The following KLHDC1 variants were observed in gnomAD, a reference collection of about 807,000 sequenced individuals.
KLHDC1 encodes the protein kelch domain-containing protein 1.
In KLHDC1, 53 loss-of-function variants were observed where a neutral mutation model predicts 68.3. That is an observed-to-expected ratio of 0.78 (90% confidence interval 0.62 to 0.98). The LOEUF is 0.98. Among genes scored for constraint, KLHDC1 ranks in the 50% least tolerant of loss-of-function variants. The pLI, the probability that KLHDC1 is intolerant of heterozygous loss-of-function variation, is 0.00. For synonymous variants in KLHDC1, 148 were observed against 159.0 expected, an observed-to-expected ratio of 0.93 and a Z score of 0.52; for missense variants, 470 against 492.3, an observed-to-expected ratio of 0.95 and a Z score of 0.43.
At chr14:49,729,928 A>T (rs1191348675) in intron 8 of KLHDC1, among the ~76,000 whole-genome samples, 1 of 152,232 alleles carries the variant, frequency 6.6e-6, no homozygotes, top group Non-Finnish European at 1.5e-5. Context: ...TTAGCTATCA[A>T]CTTAGCAATT....
intron 4 of KLHDC1, 59 bp downstream of exon 4, chr14:49,710,440 G>A (rs546897990): frequency 2.1e-5 from 19 of 891,216 alleles, no homozygotes. Context: ...AATAGCTTTG[G>A]CTAAAATACA....
At chr14:49,708,924 C>A (rs1888128388) in intron 1 of KLHDC1, 1 of 259,648 alleles carries the variant, frequency 3.9e-6, no homozygotes, top group East Asian at 7.3e-5. Context: ...TAATTATTTT[C>A]TTGAGACTTA....
At chr14:49,740,673 T>G (rs1165230340) in intron 11 of KLHDC1, among the ~76,000 whole-genome samples, 1 of 152,176 alleles carries the variant, frequency 6.6e-6, no homozygotes, top group African/African-American at 2.4e-5. Context: ...TTTCTGGATA[T>G]TTTGGATTTA....
chr14:49,709,939 T>C (rs1314089557), intron 3 of KLHDC1, 113 bp downstream of exon 3: 1 of 577,800 alleles, frequency 1.7e-6, no homozygotes, highest in Non-Finnish European at 2.9e-6. Context: ...ACCTTAAACT[T>C]GTAATTAAAT....
At chr14:49,749,212 A>G (rs1233885247) in intron 12 of KLHDC1, among the ~76,000 whole-genome samples, 1 of 152,090 alleles carries the variant, frequency 6.6e-6, no homozygotes, top group Non-Finnish European at 1.5e-5. Context: ...CTAAGAGGTC[A>G]TTGGAAACCT....
chr14:49,695,816 G>C (rs979040889), intron 1 of KLHDC1, among the ~76,000 whole-genome samples: 6 of 152,150 alleles, frequency 3.9e-5, no homozygotes, highest in Non-Finnish European at 2.9e-5. Context: ...TGTAATCCCA[G>C]GACTTTGGGA....
At chr14:49,725,448 A>G (rs1351634389) in intron 5 of KLHDC1, among the ~76,000 whole-genome samples, 1 of 152,308 alleles carries the variant, frequency 6.6e-6, no homozygotes, top group African/African-American at 2.4e-5. Flanking sequence ...TCAACAAGTA[A>G]AATTATGATT....
chr14:49,693,636 C>T lies in KLHDC1; in HGVS notation c.96+346C>T, dbSNP rs977763186. ...ATACTGGCGCAGACCTAGAAGGACCCGAGGACGCCGTGCTGTATCATTTTG... is the reference window on the plus strand; with the variant it reads ...ATACTGGCGCAGACCTAGAAGGACCTGAGGACGCCGTGCTGTATCATTTTG... On this transcript the variant is annotated intron_variant, in intron 1 of 12. Coordinates refer to ENST00000359332, the MANE Select transcript of KLHDC1 (RefSeq NM_172193.3). Among the ~76,000 whole-genome samples, 12 of 151,938 alleles carry T rather than the reference C, an allele frequency of 7.9e-5. No homozygotes were observed. The East Asian group carries it at 1.2e-3, about 15-fold the overall frequency.
intron 4 of KLHDC1, among the ~76,000 whole-genome samples, chr14:49,713,817 TATATATATATATATATATATATATATATA>T (rs1594659233): frequency 3.6e-4 from 1 of 2,764 alleles, no homozygotes; most frequent in African/African-American, 5.5e-4. Flanking sequence ...TATATATATA[TATATATATATATATATATATATATATATA>T]TATATTTTTT....
In KLHDC1 at chr14:49,723,959, T is replaced by G. The variant is rs544662004; in HGVS notation, c.483+7T>G. On this transcript the variant is annotated splice_region_variant and intron_variant, in intron 5 of 12. Coordinates refer to ENST00000359332, the MANE Select transcript of KLHDC1 (RefSeq NM_172193.3). ...TGTTCATGATGCATCTTGGGTAAGATAGTAATCACTGTTTACATTTTCCTC... is the reference window on the plus strand; with the variant it reads ...TGTTCATGATGCATCTTGGGTAAGAGAGTAATCACTGTTTACATTTTCCTC... The G allele has an allele frequency of 6.5e-7, 1 of 1,538,364 alleles. No homozygotes were observed. The highest frequency in any genetic ancestry group is 2.3e-5 in the East Asian group (1 of 44,290).
intron 9 of KLHDC1, among the ~76,000 whole-genome samples, chr14:49,733,255 A>T (rs1194312659): frequency 6.6e-6 from 1 of 152,068 alleles, no homozygotes; most frequent in Non-Finnish European, 1.5e-5. Context: ...GCTGTAGAGG[A>T]AAGTGTTTAG....
intron 5 of KLHDC1, 120 bp from the exon 6 acceptor site, chr14:49,725,566 T>G: frequency 1.6e-6 from 1 of 630,342 alleles, no homozygotes; most frequent in Non-Finnish European, 2.7e-6. Flanking sequence ...GTGACTATGG[T>G]AACACTTAAC....
chr14:49,742,702 G>A (rs894534856), intron 11 of KLHDC1, among the ~76,000 whole-genome samples: 5 of 150,734 alleles, frequency 3.3e-5, no homozygotes, highest in South Asian at 2.1e-4. Flanking sequence ...GAGAATTCCC[G>A]GGGAATCTTG....
At chr14:49,749,571 GGGA>G (rs1423679004) in intron 12 of KLHDC1, among the ~76,000 whole-genome samples, 2 of 151,558 alleles carry the variant, frequency 1.3e-5, no homozygotes, top group Non-Finnish European at 2.9e-5. Context: ...CCAGCTACTC[GGGA>G]GGATGAGGAG....
At chr14:49,700,984 G>A (rs558382964) in intron 1 of KLHDC1, among the ~76,000 whole-genome samples, 2 of 152,100 alleles carry the variant, frequency 1.3e-5, no homozygotes, top group African/African-American at 4.8e-5. Flanking sequence ...TCAGGAGGCC[G>A]AGGCAGGAGA....
intron 1 of KLHDC1, among the ~76,000 whole-genome samples, chr14:49,704,792 T>C (rs1888005269): frequency 6.6e-6 from 1 of 152,134 alleles, no homozygotes; most frequent in South Asian, 2.1e-4. Flanking sequence ...TGTTTGTATA[T>C]TAATAGGAAT....
At chr14:49,750,225 C>A (rs1889292510) in intron 12 of KLHDC1, among the ~76,000 whole-genome samples, 1 of 152,216 alleles carries the variant, frequency 6.6e-6, no homozygotes, top group South Asian at 2.1e-4. Flanking sequence ...CACCTCTGGC[C>A]ATGCCCCACT....
At chr14:49,743,154 T>C (rs528480427) in intron 11 of KLHDC1, among the ~76,000 whole-genome samples, 41 of 150,660 alleles carry the variant, frequency 2.7e-4, no homozygotes, top group African/African-American at 9.2e-4. Flanking sequence ...CACAACACTT[T>C]GGGAGGCTGA....
At chr14:49,737,864 C>CAAA (rs760826908) in intron 10 of KLHDC1, among the ~76,000 whole-genome samples, 79 of 49,946 alleles carry the variant, frequency 1.6e-3, no homozygotes, top group East Asian at 6.1e-3. Context: ...GATCCTGTCT[C>CAAA]AAAAAAAAAA....
Sources: gnomAD v4.1 joint callset for allele counts (sites outside exome capture counted in the v4.1 genomes callset) on GRCh38, gnomAD v4.1.1 for gene constraint, MANE v1.5 for transcripts, NCBI Gene and HGNC (gene_info 2026-07-23, HGNC 2026-07-21) for gene names.